MYT1: variants seen among roughly 807,000 people sequenced by gnomAD.
MYT1 encodes the protein myelin transcription factor 1, also known as myelin transcription factor I.
A neutral mutation model predicts 123.0 loss-of-function variants in MYT1; 23 were observed. The ratio of observed to expected loss-of-function variants is 0.19; its 90% CI spans 0.13 to 0.26. The LOEUF (loss-of-function observed/expected upper bound fraction) is 0.26. Ranked by LOEUF, MYT1 falls within the 10% of genes least tolerant of loss-of-function variation. The probability of loss-of-function intolerance (pLI) is 1.00; values close to 1 mark genes in which losing one functional copy is unlikely to be tolerated. For missense variants in MYT1, 1,125 were observed against 1,472.5 expected (o/e 0.76, Z 3.86); for synonymous variants, 518 against 575.3 (o/e 0.90, Z 1.43).
At position 64,218,607 on chromosome 20, in the gene MYT1, C is replaced by T. The variant is rs2145723485; in HGVS notation, c.1847-304C>T. On this transcript the variant is annotated intron_variant, in intron 11 of 22. Transcript: ENST00000328439. The surrounding 1 kb of genome is among the most constrained non-coding windows in gnomAD (Gnocchi z 4.0). The stretch of plus-strand genomic sequence containing the variant: ...TCCTTTTGCCCAAATTTTCACTGAG[C>T]CAGAAACAAGATTGTCTCCTCAGTC... 6.6e-6 allele frequency among the ~76,000 whole-genome samples: 1 copy of T among 152,250 alleles called. No individual in the cohort carries two copies. The highest frequency in any genetic ancestry group is 1.9e-4 in the East Asian group (1 of 5,172).
At position 64,231,020 on chromosome 20, in the gene MYT1, C is replaced by T. The variant is rs1240512254; in HGVS notation, c.2676-1144C>T. Among the ~76,000 whole-genome samples the T allele has an allele frequency of 3.9e-5, 6 of 152,146 alleles. No individual in the cohort carries two copies. The highest frequency in any genetic ancestry group is 1.9e-4 in the East Asian group (1 of 5,184). On this transcript the variant is annotated intron_variant, in intron 18 of 22. Transcript: ENST00000328439. This position sits in a 1 kb window ranked among gnomAD's most constrained non-coding sequence, Gnocchi z 6.4. ...AGCCCTGAGCCGCCTCTCACCCCTA[C>T]GGCGGGAGCCTCTGCCCCCGCCCCC... is the stretch of plus-strand genomic sequence containing the variant.
intron 1 of MYT1, among the ~76,000 whole-genome samples, chr20:64,180,157 C>T (rs1760062316): frequency 6.6e-6 from 1 of 151,928 alleles, no homozygotes; most frequent in African/African-American, 2.4e-5. Context: ...CACACAGTTA[C>T]ATGCTACACA....
In MYT1 at chr20:64,207,860, G is replaced by A. The variant is rs200701597; in HGVS notation, c.664G>A (p.Glu222Lys). The change falls in exon 7 of 23, where the codon GAG becomes AAG. Residue 222 changes from glutamate (E) to lysine (K), a missense_variant. Physicochemically the swap from Glu to Lys is moderately conservative, Grantham distance 56. Transcript: ENST00000328439. ...KGLFIQPEDA[E>K]EVVEVTTERS... Reference sequence around the variant, plus strand: ...CCTCTTCATCCAGCCAGAGGATGCCGAGGAGGTCGTCGAAGTCACCACCGA... The same window carrying A: ...CCTCTTCATCCAGCCAGAGGATGCCAAGGAGGTCGTCGAAGTCACCACCGA... 6.8e-6 allele frequency: 11 copies of A among 1,613,452 alleles called. No individual in the cohort carries two copies. The highest frequency in any genetic ancestry group is 6.7e-5 in the Admixed American group (4 of 59,990).
chr20:64,237,654 C>A (rs1037037943), intron 21 of MYT1, among the ~76,000 whole-genome samples: 2 of 152,210 alleles, frequency 1.3e-5, no homozygotes, highest in African/African-American at 4.8e-5. Flanking sequence ...GTTAATAACA[C>A]TATTAATAAT....
chr20:64,239,938 A>AC, intron 22 of MYT1, 35 bp downstream of exon 22: 3 of 1,604,874 alleles, frequency 1.9e-6, no homozygotes, highest in Admixed American at 1.7e-5. Context: ...CACCACAGCT[A>AC]CCCCCCAGGG....
chr20:64,222,157 C>A, intron 14 of MYT1, 110 bp downstream of exon 14: 1 of 1,215,226 alleles, frequency 8.2e-7, no homozygotes, highest in Non-Finnish European at 1.2e-6. Flanking sequence ...CTTTCCCCGA[C>A]CTGTCCTGAC....
At chr20:64,239,346 G>A (rs1464391448) in intron 21 of MYT1, among the ~76,000 whole-genome samples, 1 of 152,168 alleles carries the variant, frequency 6.6e-6, no homozygotes, top group Non-Finnish European at 1.5e-5. Context: ...AGGAAACATG[G>A]TGAAGCTAAG....
rs1983896288 is a variant in MYT1 at position 64,218,164 on chromosome 20, C to A, written c.1847-747C>A. On this transcript the variant is annotated intron_variant, in intron 11 of 22. Transcript: ENST00000328439. This position sits in a 1 kb window ranked among gnomAD's most constrained non-coding sequence, Gnocchi z 4.0. ...ATGGAGGACTTCCTGCCTCCAGGCA[C>A]ACATGCCTACTTGGATGAGGGAATG... 6.6e-6 allele frequency among the ~76,000 whole-genome samples: 1 copy of A among 152,230 alleles called. No individual in the cohort carries two copies. Among genetic ancestry groups the A allele is most frequent in the Non-Finnish European group, 1.5e-5 (1 of 68,038 alleles).
chr20:64,222,002 T>G lies in MYT1; in HGVS notation c.2351T>G (p.Phe784Cys), dbSNP rs1984020271. ...KYPGEVTLTN[F>C]KLKFLSKDIK... ...CCGGGGGAAGTCACCCTGACCAACT[T>G]TAAGCTGAAGTTTCTCTCCAAGGAC... Residue 784 changes from phenylalanine to cysteine, a missense_variant, in exon 14 of 23, where the codon TTT (phenylalanine) becomes TGT (cysteine). By Grantham distance (205) the Phe-to-Cys change is radical. Around this residue, in one of 4 missense-constraint regions of MYT1, gnomAD observed 429 missense variants for 604.1 expected, o/e 0.71. Transcript: ENST00000328439. The G allele has an allele frequency of 1.2e-6, 2 of 1,613,386 alleles. No individual in the cohort carries two copies. Among genetic ancestry groups the G allele is most frequent in the Non-Finnish European group, 1.7e-6 (2 of 1,180,004 alleles).
At chr20:64,204,979 G>A in intron 4 of MYT1, 56 bp from the exon 5 acceptor site, 1 of 1,576,010 alleles carries the variant, frequency 6.3e-7, no homozygotes, top group Non-Finnish European at 8.7e-7. Context: ...TCTGCGACAG[G>A]CTCTGAGATC....
chr20:64,181,907 G>A (rs1278470189), intron 1 of MYT1, among the ~76,000 whole-genome samples: 1 of 152,196 alleles, frequency 6.6e-6, no homozygotes, highest in Non-Finnish European at 1.5e-5. Context: ...TCCTATGTCT[G>A]GGGGTGTAGC....
rs797011037 is a variant in MYT1, at chr20:64,208,099, A to G, written c.903A>G (p.Glu301=). The part of the protein sequence containing the change: ...EEEEEEEEEE[E]EEEEEAAPDV... ...AAGAGGAGGAGGAAGAGGAAGAGGAAGAGGAGGAGGAGGAGGCAGCTCCTG... is the reference window on the plus strand; with the variant it reads ...AAGAGGAGGAGGAAGAGGAAGAGGAGGAGGAGGAGGAGGAGGCAGCTCCTG... The change falls in exon 7 of 23, where the codon GAA becomes GAG. Residue 301 remains glutamate (E), a synonymous_variant. Transcript: ENST00000328439. This position sits in a 1 kb window ranked among gnomAD's most constrained non-coding sequence, Gnocchi z 5.4. The G allele has an allele frequency of 4.7e-5, 75 of 1,605,264 alleles. 1 individual carries two copies. The African/African-American group carries it at 7.7e-4, about 16-fold the overall frequency.
At position 64,203,247 on chromosome 20, in the gene MYT1, C is replaced by T. The variant is rs932780314; in HGVS notation, c.87-1788C>T. On this transcript the variant is annotated intron_variant, in intron 4 of 22. Coordinates refer to ENST00000328439, the MANE Select transcript of MYT1 (RefSeq NM_004535.3). This position sits in a 1 kb window ranked among gnomAD's most constrained non-coding sequence, Gnocchi z 5.1. ...AGGGCAGTCCGGTCCCCACAGGCCT[C>T]CACAGCAGCTGTCACCTAATTGCCT... Among the ~76,000 whole-genome samples, 2 of 152,202 alleles carry T rather than the reference C, an allele frequency of 1.3e-5. No individual in the cohort carries two copies. The highest frequency in any genetic ancestry group is 6.5e-5 in the Admixed American group (1 of 15,286).
chr20:64,177,919 C>T (rs1363161480), intron 1 of MYT1, among the ~76,000 whole-genome samples: 1 of 152,216 alleles, frequency 6.6e-6, no homozygotes, highest in African/African-American at 2.4e-5. Context: ...CAAAGCCAGC[C>T]ATCCCTGAGA....
rs759099390 is a variant in MYT1 at position 64,221,998 on chromosome 20, A to G, written c.2347A>G (p.Asn783Asp). The G allele has an allele frequency of 6.2e-6, 10 of 1,613,398 alleles. No homozygotes were observed. Among genetic ancestry groups the G allele is most frequent in the Non-Finnish European group, 8.5e-6 (10 of 1,180,010 alleles). Residue 783 changes from asparagine (N) to aspartate (D), a missense_variant, in exon 14 of 23, where the codon AAC becomes GAC. Physicochemically the swap from Asn to Asp is conservative, Grantham distance 23. Coordinates refer to ENST00000328439, the MANE Select transcript of MYT1 (RefSeq NM_004535.3). ...RKYPGEVTLT[N>D]FKLKFLSKDI... is the part of the protein sequence containing the mutation. ...GTATCCGGGGGAAGTCACCCTGACC[A>G]ACTTTAAGCTGAAGTTTCTCTCCAA...
At chr20:64,188,820 A>C (rs550189547) in intron 1 of MYT1, among the ~76,000 whole-genome samples, 118 of 152,260 alleles carry the variant, frequency 7.7e-4, no homozygotes, top group African/African-American at 2.8e-3. Flanking sequence ...CAGGCACCGG[A>C]GCCTGCGGTG....
chr20:64,171,478 T>A (rs1257582122), intron 1 of MYT1, among the ~76,000 whole-genome samples: 1 of 152,228 alleles, frequency 6.6e-6, no homozygotes, highest in Non-Finnish European at 1.5e-5. Flanking sequence ...CTGGGCTTTG[T>A]CTGGCTGCAA....
rs746858028 is a variant in MYT1 at position 64,213,028 on chromosome 20, C to T, written c.1518-506C>T. The stretch of plus-strand genomic sequence containing the variant: ...TTCTGACAGATGAAGCTGCTGCCTC[C>T]GTGTCTTAGACTGAGTACTTTCCTG... On this transcript the variant is annotated intron_variant, in intron 9 of 22. Transcript: ENST00000328439. The surrounding 1 kb of genome is among the most constrained non-coding windows in gnomAD (Gnocchi z 5.6). 1.3e-5 allele frequency among the ~76,000 whole-genome samples: 2 copies of T among 152,142 alleles called. No individual in the cohort carries two copies. Among genetic ancestry groups the T allele is most frequent in the African/African-American group, 4.8e-5 (2 of 41,424 alleles).
At chr20:64,214,257 A>G (rs1288155963) in intron 10 of MYT1, among the ~76,000 whole-genome samples, 1 of 152,178 alleles carries the variant, frequency 6.6e-6, no homozygotes, top group Non-Finnish European at 1.5e-5. Flanking sequence ...TTGTGTTTGC[A>G]TATGTGCGGG....
Sources: gnomAD v4.1 joint callset for allele counts (sites outside exome capture counted in the v4.1 genomes callset) on GRCh38, gnomAD v4.1.1 for gene constraint, gnomAD v4.1.1 regional missense constraint, Gnocchi (gnomAD v3.1) non-coding constraint, MANE v1.5 for transcripts, NCBI Gene and HGNC (gene_info 2026-07-23, HGNC 2026-07-21) for gene names.